VTI1A: variants seen among roughly 807,000 people sequenced by gnomAD.
The protein encoded by VTI1A is vesicle transport through interaction with t-SNAREs homolog 1A.
A neutral mutation model predicts 34.9 loss-of-function variants in VTI1A; 22 were observed. The ratio of observed to expected loss-of-function variants is 0.63; its 90% CI spans 0.45 to 0.90. The LOEUF (loss-of-function observed/expected upper bound fraction) is 0.90. Ranked by LOEUF, VTI1A falls within the 40% of genes least tolerant of loss-of-function variation. The pLI is 0.00. For missense variants in VTI1A, 268 were observed against 275.6 expected, an observed-to-expected ratio of 0.97 and a Z score of 0.20; for synonymous variants, 87 against 97.3, an observed-to-expected ratio of 0.89 and a Z score of 0.62.
intron 7 of VTI1A, among the ~76,000 whole-genome samples, chr10:112,778,446 A>G (rs1208751186): frequency 6.6e-6 from 1 of 152,128 alleles, no homozygotes; most frequent in Non-Finnish European, 1.5e-5. Flanking sequence ...CCCACAAATA[A>G]CCACAACCCC....
At chr10:112,624,529 T>C (rs898017278) in intron 5 of VTI1A, among the ~76,000 whole-genome samples, 1 of 152,200 alleles carries the variant, frequency 6.6e-6, no homozygotes. Flanking sequence ...TTTTTTAATA[T>C]ACATTTTCAT....
intron 7 of VTI1A, among the ~76,000 whole-genome samples, chr10:112,682,444 TC>T (rs1183779716): frequency 1.3e-5 from 2 of 152,232 alleles, no homozygotes; most frequent in Admixed American, 6.5e-5. Context: ...TTACCAATCT[TC>T]ATTTTTAGTA....
intron 5 of VTI1A, among the ~76,000 whole-genome samples, chr10:112,556,990 A>T (rs1042498014): frequency 1.3e-5 from 2 of 152,038 alleles, no homozygotes; most frequent in Non-Finnish European, 2.9e-5. Context: ...TGAATTTTTT[A>T]TTTGAAAATC....
intron 5 of VTI1A, among the ~76,000 whole-genome samples, chr10:112,576,776 A>G (rs954061025): frequency 1.3e-5 from 2 of 152,214 alleles, no homozygotes; most frequent in African/African-American, 2.4e-5. Context: ...TAGGCTATAT[A>G]TGTCACAGCA....
At chr10:112,752,409 T>C (rs1403332947) in intron 7 of VTI1A, 1 of 985,318 alleles carries the variant, frequency 1.0e-6, no homozygotes, top group Admixed American at 6.1e-5. Context: ...GATATCTCTT[T>C]ACCGGGGAGT....
At chr10:112,620,549 G>C (rs1845693767) in intron 5 of VTI1A, among the ~76,000 whole-genome samples, 1 of 152,138 alleles carries the variant, frequency 6.6e-6, no homozygotes, top group Non-Finnish European at 1.5e-5. Context: ...CCAAAACTTT[G>C]GGAGGCCGAG....
intron 4 of VTI1A, among the ~76,000 whole-genome samples, chr10:112,537,835 A>G (rs1850704610): frequency 6.6e-6 from 1 of 152,230 alleles, no homozygotes; most frequent in Non-Finnish European, 1.5e-5. Flanking sequence ...ATCTGCAAGA[A>G]TCAAAGGAGC....
intron 5 of VTI1A, among the ~76,000 whole-genome samples, chr10:112,625,554 T>C (rs893433260): frequency 6.8e-6 from 1 of 146,564 alleles, no homozygotes; most frequent in Admixed American, 7.1e-5. Flanking sequence ...GCAGGAGAAT[T>C]GCTTGAACCT....
At chr10:112,450,444 C>A (rs1253867448) in intron 1 of VTI1A, 1 of 152,060 alleles carries the variant, frequency 6.6e-6, no homozygotes, top group African/African-American at 2.4e-5. Flanking sequence ...CTAAAAGTGA[C>A]CCAGAGGAGG....
At chr10:112,836,771 C>T in the VTI1A span, among the ~76,000 whole-genome samples, 52,262 of 151,950 alleles carry the variant, frequency 0.34, 10,115 homozygotes, top group East Asian at 0.77. Flanking sequence ...GTATGGAATC[C>T]GTGGTTTCAG....
At chr10:112,522,685 A>G (rs1180530805) in intron 3 of VTI1A, among the ~76,000 whole-genome samples, 1 of 152,034 alleles carries the variant, frequency 6.6e-6, no homozygotes, top group African/African-American at 2.4e-5. Context: ...GCCTTTTGAG[A>G]TGGTTTCCTC....
intron 3 of VTI1A, among the ~76,000 whole-genome samples, chr10:112,478,371 G>A (rs1848349820): frequency 6.6e-6 from 1 of 152,306 alleles, no homozygotes; most frequent in Non-Finnish European, 1.5e-5. Context: ...AATAGATAAT[G>A]TTAAAACACT....
chr10:112,809,235 A>G lies in VTI1A; in HGVS notation c.561-6055A>G, dbSNP rs147570225. ...CCCCAGCTCTGAAAATAACCCTTCC[A>G]ATTAAAGTGAGTGTTTGAGGCAGAT... On this transcript the variant is annotated intron_variant, in intron 7 of 7. Transcript: ENST00000393077. 2.6e-5 allele frequency among the ~76,000 whole-genome samples: 4 copies of G among 152,258 alleles called. No individual in the cohort carries two copies. The East Asian group carries it at 7.7e-4, about 29-fold the overall frequency.
intron 3 of VTI1A, among the ~76,000 whole-genome samples, chr10:112,519,887 A>G (rs1849949036): frequency 6.6e-6 from 1 of 152,080 alleles, no homozygotes. Context: ...ACAGATTTTC[A>G]ATGAATGACC....
chr10:112,480,780 A>G (rs888667518), intron 3 of VTI1A, among the ~76,000 whole-genome samples: 2 of 152,202 alleles, frequency 1.3e-5, no homozygotes, highest in African/African-American at 4.8e-5. Context: ...CTTGATTCTT[A>G]TACTTTGCTA....
chr10:112,700,117 C>CAAAAAAAAAAAAAA (rs1201699870), intron 7 of VTI1A, among the ~76,000 whole-genome samples: 14 of 40,340 alleles, frequency 3.5e-4, no homozygotes, highest in South Asian at 1.1e-3. Context: ...GACTCCATCT[C>CAAAAAAAAAAAAAA]AAAAAAAAAA....
Position 112,518,579 on chromosome 10 carries a change from CTCTCTCTCTCTA to C in VTI1A, c.265-8506_265-8495del, listed in dbSNP as rs1471544991. Among the ~76,000 whole-genome samples, 834 of 96,418 alleles carry C rather than the reference CTCTCTCTCTCTA, an allele frequency of 8.6e-3. 1 individual carries two copies. Among genetic ancestry groups the C allele is most frequent in the African/African-American group, 0.013 (255 of 19,588 alleles). The allele number at this position is 96,418 out of a possible 152,430, so 63.3% of individuals were successfully genotyped here. A position where few individuals can be genotyped will look rare whatever the true frequency, so the allele number is the denominator to read the frequency against. ...TCTCTCTCTCTCTCTCTCTCTCTCT[CTCTCTCTCTCTA>C]TATATATATATATATATATATGTGT... On this transcript the variant is annotated intron_variant, in intron 3 of 7. Coordinates refer to ENST00000393077, the MANE Select transcript of VTI1A (RefSeq NM_145206.4).
intron 5 of VTI1A, among the ~76,000 whole-genome samples, chr10:112,641,792 A>T (rs1846585059): frequency 6.6e-6 from 1 of 152,148 alleles, no homozygotes; most frequent in Non-Finnish European, 1.5e-5. Flanking sequence ...TACAAACCAC[A>T]TTTGGCCCCA....
intron 3 of VTI1A, among the ~76,000 whole-genome samples, chr10:112,496,804 T>C (rs1849041841): frequency 1.3e-5 from 2 of 152,214 alleles, no homozygotes; most frequent in Non-Finnish European, 2.9e-5. Context: ...TGAATGTATA[T>C]GTGATCACAA....
Sources: allele counts gnomAD v4.1 joint callset (sites outside exome capture counted in the v4.1 genomes callset), GRCh38; gene constraint gnomAD v4.1.1; transcripts MANE v1.5; gene names NCBI Gene and HGNC (gene_info 2026-07-23, HGNC 2026-07-21).